SLC28A3: variants seen among roughly 807,000 people sequenced by gnomAD.
SLC28A3 encodes the protein concentrative Na(+)-nucleoside cotransporter 3.
Under a neutral mutation model 84.2 loss-of-function variants are expected in SLC28A3, and 68 were observed. That is an observed-to-expected ratio of 0.81 (90% CI 0.66 to 0.99). SLC28A3 has a LOEUF of 0.99. Ranked by LOEUF, SLC28A3 falls within the 50% of genes least tolerant of loss-of-function variation. SLC28A3 has a pLI of 0.00. For synonymous variants in SLC28A3, 267 were observed against 303.6 expected (o/e 0.88, Z 1.25); for missense variants, 712 against 841.5 (o/e 0.85, Z 1.90).
At chr9:84,323,211 T>C (rs746973152) in intron 1 of SLC28A3, among the ~76,000 whole-genome samples, 3 of 152,134 alleles carry the variant, frequency 2.0e-5, no homozygotes, top group Non-Finnish European at 4.4e-5. Context: ...ATAGCTGATA[T>C]TTGAGCATTT....
chr9:84,289,500 T>A (rs961632674), intron 11 of SLC28A3, among the ~76,000 whole-genome samples: 1 of 152,206 alleles, frequency 6.6e-6, no homozygotes, highest in Admixed American at 6.5e-5. Context: ...ATCTGAGAGT[T>A]TTAAAAAATA....
At chr9:84,284,396 T>C (rs1422995855) in intron 14 of SLC28A3, among the ~76,000 whole-genome samples, 2 of 152,154 alleles carry the variant, frequency 1.3e-5, no homozygotes, top group African/African-American at 2.4e-5. Context: ...GGCTGTTATA[T>C]TGATGTGCTA....
At chr9:84,316,240 C>A (rs976069865) in intron 1 of SLC28A3, among the ~76,000 whole-genome samples, 9 of 152,184 alleles carry the variant, frequency 5.9e-5, no homozygotes, top group African/African-American at 2.2e-4. Context: ...TTCTAGAACA[C>A]TGGAAATTTC....
Position 84,290,220 on chromosome 9 carries a change from G to A in SLC28A3, c.1083C>T (p.His361=), listed in dbSNP as rs777707463. 16 of 1,613,982 alleles carry A rather than the reference G, an allele frequency of 9.9e-6. No homozygotes were observed. Among genetic ancestry groups the A allele is most frequent in the Non-Finnish European group, 1.2e-5 (14 of 1,179,986 alleles). ...YLPYITKSEL[H]AIMTAGFSTI... ...TAGAGAACCCGGCGGTCATGATGGC[G>A]TGGAGTTCAGACTTGGTGATGTAAG... Residue 361 remains histidine (H), a synonymous_variant, in exon 11 of 18, where the codon CAC becomes CAT. Coordinates refer to ENST00000376238, the MANE Select transcript of SLC28A3 (RefSeq NM_001199633.2).
intron 3 of SLC28A3, among the ~76,000 whole-genome samples, chr9:84,307,288 G>A (rs1360059189): frequency 5.3e-5 from 8 of 151,510 alleles, no homozygotes; most frequent in African/African-American, 1.2e-4. Flanking sequence ...AAAATTAGCC[G>A]GGTGTGGTGG....
intron 14 of SLC28A3, among the ~76,000 whole-genome samples, chr9:84,283,211 A>G (rs1441215467): frequency 2.0e-5 from 3 of 152,246 alleles, no homozygotes. Context: ...TTCCAGGTTG[A>G]CTTTGCCCAC....
At position 84,285,964 on chromosome 9, in the gene SLC28A3, G is replaced by C. The variant is rs1162986813; in HGVS notation, c.1428C>G (p.Asp476Glu). The stretch of plus-strand genomic sequence containing the variant: ...ATACCTCAAAACTCAGCTGTGGGTA[G>C]TCAAACATGTTTCCAAACCAGGACA... ...SALSWFGNMF[D>E]YPQLSFELIC... The change falls in exon 13 of 18, where the codon GAC becomes GAG. Residue 476 changes from aspartate to glutamate, a missense_variant. Physicochemically the swap from Asp to Glu is conservative, Grantham distance 45 (BLOSUM62 2). Transcript: ENST00000376238. The C allele has an allele frequency of 6.2e-7, 1 of 1,613,776 alleles. No homozygotes were observed. Among genetic ancestry groups the C allele is most frequent in the African/African-American group, 1.3e-5 (1 of 74,922 alleles).
intron 1 of SLC28A3, among the ~76,000 whole-genome samples, chr9:84,327,467 T>C (rs963898791): frequency 1.3e-5 from 2 of 152,060 alleles, no homozygotes; most frequent in African/African-American, 2.4e-5. Flanking sequence ...ATTATCCTAG[T>C]TCTGTTTCCT....
chr9:84,340,828 C>T (rs1018114204), upstream of SLC28A3: 12 of 347,438 alleles, frequency 3.5e-5, no homozygotes, highest in Middle Eastern at 1.0e-3. Context: ...GAGAGGCGGG[C>T]GGGTTGGCGG....
chr9:84,288,077 G>A lies in SLC28A3; in HGVS notation c.1251C>T (p.Thr417=), dbSNP rs1416871868. ...FWPETEKPKI[T]LKNAMKMESG... is the part of the protein sequence containing the mutation. ...TTTCCATTTTCATGGCATTCTTGAG[G>A]GTTATTTTAGGTTTTTCTGTCTCAG... is the stretch of plus-strand genomic sequence containing the variant. The change falls in exon 12 of 18, where the codon ACC becomes ACT. Residue 417 remains threonine (T), a synonymous_variant. Coordinates refer to ENST00000376238, the MANE Select transcript of SLC28A3 (RefSeq NM_001199633.2). 6.2e-7 allele frequency: 1 copy of A among 1,614,008 alleles called. No homozygotes were observed. The highest frequency in any genetic ancestry group is 1.3e-5 in the African/African-American group (1 of 75,022).
At chr9:84,292,455 GTCTCTCTGTCTC>G (rs946358192) in intron 10 of SLC28A3, 117 of 489,300 alleles carry the variant, frequency 2.4e-4, no homozygotes, top group African/African-American at 6.8e-4. Context: ...GTGTCTCTCT[GTCTCTCTGTCTC>G]TCTCTCTGTC....
chr9:84,341,424 G>A (rs1377701831), upstream of SLC28A3, among the ~76,000 whole-genome samples: 8 of 152,118 alleles, frequency 5.3e-5, no homozygotes, highest in African/African-American at 1.9e-4. Flanking sequence ...TACCAGGGAT[G>A]GATAGATGGA....
At chr9:84,347,958 G>A in the SLC28A3 span, among the ~76,000 whole-genome samples, 1 of 152,152 alleles carries the variant, frequency 6.6e-6, no homozygotes, top group Non-Finnish European at 1.5e-5. Flanking sequence ...GGGCGCACAA[G>A]TTTGCACTGG....
At chr9:84,288,707 G>C (rs1218264982) in intron 11 of SLC28A3, among the ~76,000 whole-genome samples, 1 of 152,088 alleles carries the variant, frequency 6.6e-6, no homozygotes, top group African/African-American at 2.4e-5. Context: ...ACCACACCTA[G>C]CTAATTTTTG....
chr9:84,342,146 AAAAG>A (rs1179773749), upstream of SLC28A3, among the ~76,000 whole-genome samples: 419 of 82,778 alleles, frequency 5.1e-3, 1 homozygote, highest in African/African-American at 0.049. Flanking sequence ...AAAAAAAAAG[AAAAG>A]AAAAAGAAAA....
upstream of SLC28A3, among the ~76,000 whole-genome samples, chr9:84,342,083 C>T (rs1396634948): frequency 3.5e-5 from 5 of 144,356 alleles, no homozygotes; most frequent in African/African-American, 5.3e-5. Context: ...GAGCCGAAAA[C>T]GCACCGCTGC....
intron 1 of SLC28A3, among the ~76,000 whole-genome samples, chr9:84,337,536 A>T (rs1286813044): frequency 1.3e-5 from 2 of 152,124 alleles, no homozygotes; most frequent in Non-Finnish European, 2.9e-5. Context: ...TCCTGAACTG[A>T]TGGGAACATC....
intron 3 of SLC28A3, among the ~76,000 whole-genome samples, chr9:84,305,933 G>A (rs1825774109): frequency 6.6e-6 from 1 of 152,138 alleles, no homozygotes. Context: ...GAAAGCTCTG[G>A]AGTTGTTGGA....
chr9:84,276,158 C>T lies in SLC28A3; in HGVS notation c.*2060G>A, dbSNP rs1824518979. On this transcript the variant is annotated 3_prime_UTR_variant, in exon 18 of 18. Transcript: ENST00000376238. The stretch of plus-strand genomic sequence containing the variant: ...AGACCAACATGGGTATGTAAATTTA[C>T]TTTGCAAATTTAGATTTTATGAAAT... The T allele has an allele frequency of 6.6e-6, 1 of 151,940 alleles. No individual in the cohort carries two copies. Among genetic ancestry groups the T allele is most frequent in the Non-Finnish European group, 1.5e-5 (1 of 68,008 alleles). 9.4% of individuals were successfully genotyped at this position (151,940 alleles called of 1,614,324 possible). A position where few individuals can be genotyped will look rare whatever the true frequency, so the allele number is the denominator to read the frequency against.
Sources: gnomAD v4.1 joint callset for allele counts (sites outside exome capture counted in the v4.1 genomes callset) on GRCh38, gnomAD v4.1.1 for gene constraint, MANE v1.5 for transcripts, NCBI Gene and HGNC (gene_info 2026-07-23, HGNC 2026-07-21) for gene names.